The following SV2C variants were observed in gnomAD, a reference collection of about 807,000 sequenced individuals.
SV2C encodes solute carrier family 22 member B3.
SV2C carries 49 observed loss-of-function variants against 79.7 expected under a neutral mutation model. The ratio of observed to expected loss-of-function variants is 0.61; its 90% confidence interval spans 0.49 to 0.78. The LOEUF is 0.78. Ranked by LOEUF, SV2C falls within the 30% of genes least tolerant of loss-of-function variation. SV2C has a pLI of 0.00. For missense variants in SV2C, 833 were observed against 912.9 expected (o/e 0.91, Z 1.13); for synonymous variants, 334 against 333.2 (o/e 1.00, Z -0.03).
chr5:76,257,745 T>G (rs1746331959), intron 4 of SV2C, among the ~76,000 whole-genome samples: 1 of 150,904 alleles, frequency 6.6e-6, no homozygotes, highest in South Asian at 2.1e-4. Flanking sequence ...GTGTGTTGGG[T>G]GTGGACGCAT....
the SV2C span, among the ~76,000 whole-genome samples, chr5:75,976,878 C>G: frequency 6.6e-6 from 1 of 152,166 alleles, no homozygotes; most frequent in East Asian, 1.9e-4. Context: ...TCTATTCCAA[C>G]ATAGCGGTAC....
the SV2C span, among the ~76,000 whole-genome samples, chr5:76,040,869 G>T: frequency 1.3e-5 from 2 of 152,208 alleles, no homozygotes; most frequent in Non-Finnish European, 2.9e-5. Context: ...ATACAGCACA[G>T]TTAAAAAGCA....
At chr5:75,925,576 C>T in the SV2C span, among the ~76,000 whole-genome samples, 1 of 152,020 alleles carries the variant, frequency 6.6e-6, no homozygotes, top group Admixed American at 6.6e-5. Context: ...AGATATGTCC[C>T]AGGGACATCT....
At chr5:76,032,075 C>T in the SV2C span, among the ~76,000 whole-genome samples, 3,819 of 152,240 alleles carry the variant, frequency 0.025, 175 homozygotes, top group African/African-American at 0.088. Context: ...CTTTTAAAAT[C>T]TTTCCTTTTG....
chr5:76,056,538 A>G, the SV2C span, among the ~76,000 whole-genome samples: 1 of 150,828 alleles, frequency 6.6e-6, no homozygotes, highest in Non-Finnish European at 1.5e-5. Context: ...CTCCTCTTCA[A>G]TTGTTTAGTT....
At chr5:76,256,381 C>T (rs1308495692) in intron 4 of SV2C, among the ~76,000 whole-genome samples, 2 of 152,192 alleles carry the variant, frequency 1.3e-5, no homozygotes, top group Non-Finnish European at 2.9e-5. Context: ...CATCCACTCA[C>T]GCATGCAAGT....
At chr5:76,342,954 C>T (rs1433845177) in intron 12 of SV2C, among the ~76,000 whole-genome samples, 1 of 151,220 alleles carries the variant, frequency 6.6e-6, no homozygotes, top group Non-Finnish European at 1.5e-5. Context: ...GAACTCCTGA[C>T]CCCAAGCAAT....
intron 9 of SV2C, 145 bp downstream of exon 9, chr5:76,296,087 C>A (rs1747748801): frequency 1.4e-6 from 1 of 708,736 alleles, no homozygotes; most frequent in Non-Finnish European, 2.2e-6. Flanking sequence ...AATTTCAATA[C>A]TTCTTAATAG....
chr5:76,246,535 C>T (rs1745952687), intron 4 of SV2C, among the ~76,000 whole-genome samples: 1 of 152,134 alleles, frequency 6.6e-6, no homozygotes, highest in Admixed American at 6.6e-5. Context: ...CAGTTAAGTC[C>T]TTTCAGGAGG....
At position 76,249,063 on chromosome 5, in the gene SV2C, T is replaced by A. The variant is rs564427334; in HGVS notation, c.914-36099T>A. Among the ~76,000 whole-genome samples the A allele has an allele frequency of 2.6e-5, 4 of 152,324 alleles. No homozygotes were observed. The South Asian group carries it at 6.2e-4, about 24-fold the overall frequency. Reference sequence around the variant, plus strand: ...TCAGAGAAAATAGCAATCAGTTTTTTAAAAATATTTATATCCTTAATAAAC... The same window carrying A: ...TCAGAGAAAATAGCAATCAGTTTTTAAAAAATATTTATATCCTTAATAAAC... On this transcript the variant is annotated intron_variant, in intron 4 of 12. Coordinates refer to ENST00000502798, the MANE Select transcript of SV2C (RefSeq NM_014979.4).
rs777727933 is a variant in SV2C, at chr5:76,298,847, C to A, written c.1556C>A (p.Ser519Tyr). ...ACTTTCAAAGACTCTGTTTTTAAGTCCTGCACCTTTGAGGATGTAACTTCA... is the reference window on the plus strand; with the variant it reads ...ACTTTCAAAGACTCTGTTTTTAAGTACTGCACCTTTGAGGATGTAACTTCA... ...SVTFKDSVFKSCTFEDVTSVN... is the reference protein window; with the variant it reads ...SVTFKDSVFKYCTFEDVTSVN... The change falls in exon 10 of 13, where the codon TCC (serine) becomes TAC (tyrosine). Residue 519 changes from serine (S) to tyrosine (Y), a missense_variant. By Grantham distance (144) the Ser-to-Tyr change is moderately radical. Coordinates refer to ENST00000502798, the MANE Select transcript of SV2C (RefSeq NM_014979.4). The A allele has an allele frequency of 1.2e-6, 2 of 1,613,816 alleles. No homozygotes were observed. The highest frequency in any genetic ancestry group is 2.7e-5 in the African/African-American group (2 of 74,900).
chr5:75,967,633 C>T, the SV2C span, among the ~76,000 whole-genome samples: 3 of 152,170 alleles, frequency 2.0e-5, no homozygotes, highest in South Asian at 4.1e-4. Context: ...GAGGGGCACC[C>T]GCCATTGCCG....
intron 4 of SV2C, among the ~76,000 whole-genome samples, chr5:76,278,161 AT>A (rs921866142): frequency 6.6e-6 from 1 of 151,202 alleles, no homozygotes; most frequent in African/African-American, 2.4e-5. Context: ...GCCCATGCTC[AT>A]GTACACATTG....
chr5:75,908,636 G>C, the SV2C span, among the ~76,000 whole-genome samples: 3 of 152,178 alleles, frequency 2.0e-5, no homozygotes, highest in African/African-American at 4.8e-5. Flanking sequence ...CTCAGGGCTG[G>C]TTTGTAAATT....
intron 2 of SV2C, among the ~76,000 whole-genome samples, chr5:76,186,683 C>T (rs913104246): frequency 7.4e-6 from 1 of 134,348 alleles, no homozygotes; most frequent in African/African-American, 3.0e-5. Context: ...CAAAGTGAGA[C>T]CTTATCTCAA....
intron 1 of SV2C, among the ~76,000 whole-genome samples, chr5:76,094,770 C>T (rs1345085348): frequency 6.6e-6 from 1 of 151,966 alleles, no homozygotes; most frequent in Non-Finnish European, 1.5e-5. Context: ...ATATATTTTG[C>T]CATTTTTCAA....
At chr5:76,013,452 A>T in the SV2C span, among the ~76,000 whole-genome samples, 1 of 152,084 alleles carries the variant, frequency 6.6e-6, no homozygotes, top group Non-Finnish European at 1.5e-5. Context: ...ATGCACATTG[A>T]TTTTGTATCC....
the SV2C span, among the ~76,000 whole-genome samples, chr5:76,004,596 C>T: frequency 6.6e-6 from 1 of 152,010 alleles, no homozygotes; most frequent in Admixed American, 6.6e-5. Flanking sequence ...AAAAAGGATC[C>T]TTATCTGGCA....
chr5:76,298,208 G>A (rs1379712381), intron 9 of SV2C, among the ~76,000 whole-genome samples: 1 of 152,022 alleles, frequency 6.6e-6, no homozygotes, highest in Non-Finnish European at 1.5e-5. Context: ...AAATTATCCT[G>A]GAAATGAGCG....
Sources: gnomAD v4.1 joint callset for allele counts (sites outside exome capture counted in the v4.1 genomes callset) on GRCh38, gnomAD v4.1.1 for gene constraint, MANE v1.5 for transcripts, NCBI Gene and HGNC (gene_info 2026-07-23, HGNC 2026-07-21) for gene names.